The following RASGEF1A variants were observed in gnomAD, a reference collection of about 807,000 sequenced individuals.
RASGEF1A encodes the protein ras-GEF domain-containing family member 1A.
In RASGEF1A, 18 loss-of-function variants were observed where a neutral mutation model predicts 56.4. That is an observed-to-expected ratio of 0.32 (90% CI 0.22 to 0.47). RASGEF1A has a LOEUF of 0.47. Among genes scored for constraint, RASGEF1A ranks in the 20% least tolerant of loss-of-function variants. RASGEF1A has a pLI of 1.00. For synonymous variants in RASGEF1A, 245 were observed against 242.6 expected (o/e 1.01, Z -0.09); for missense variants, 422 against 627.1 (o/e 0.67, Z 3.49).
intron 1 of RASGEF1A, among the ~76,000 whole-genome samples, chr10:43,244,211 G>A (rs1046675318): frequency 4.6e-5 from 7 of 152,140 alleles, no homozygotes; most frequent in African/African-American, 7.2e-5. Flanking sequence ...AGTCATCACC[G>A]TTCCCTAATC....
intron 1 of RASGEF1A, among the ~76,000 whole-genome samples, chr10:43,256,235 G>GGGCAGGTGC (rs1840688023): frequency 6.6e-6 from 1 of 152,200 alleles, no homozygotes; most frequent in East Asian, 1.9e-4. Context: ...AGCCAGGCGG[G>GGGCAGGTGC]GGCAGGTGCG....
chr10:43,202,649 C>T (rs1345821767), intron 3 of RASGEF1A: 6 of 446,218 alleles, frequency 1.3e-5, no homozygotes, highest in African/African-American at 4.5e-5. Context: ...CCGCCCCCGG[C>T]CCCCGCACCA....
At chr10:43,227,191 TG>T (rs1313078967) in intron 1 of RASGEF1A, among the ~76,000 whole-genome samples, 1 of 152,128 alleles carries the variant, frequency 6.6e-6, no homozygotes, top group Admixed American at 6.5e-5. Flanking sequence ...CCCAAAGGTG[TG>T]GGAGATGCAG....
intron 1 of RASGEF1A, among the ~76,000 whole-genome samples, chr10:43,262,854 G>A (rs980655629): frequency 1.3e-5 from 2 of 152,212 alleles, no homozygotes; most frequent in African/African-American, 4.8e-5. Context: ...TGGTGGCCCG[G>A]CCCACAGAGG....
intron 1 of RASGEF1A, among the ~76,000 whole-genome samples, chr10:43,261,553 C>G (rs1368398654): frequency 6.6e-6 from 1 of 152,238 alleles, no homozygotes; most frequent in African/African-American, 2.4e-5. Flanking sequence ...CAGCCCCCTG[C>G]CTGCTCTGAG....
At chr10:43,238,817 C>G (rs372113658) in intron 1 of RASGEF1A, among the ~76,000 whole-genome samples, 1 of 152,168 alleles carries the variant, frequency 6.6e-6, no homozygotes, top group Non-Finnish European at 1.5e-5. Context: ...TCCCCATGAG[C>G]CAGAGAGGAT....
intron 1 of RASGEF1A, among the ~76,000 whole-genome samples, chr10:43,250,312 C>T (rs893153585): frequency 3.3e-5 from 5 of 152,216 alleles, no homozygotes; most frequent in Admixed American, 6.5e-5. Flanking sequence ...GTCATGGACA[C>T]ACCTGAGCAG....
rs773166630 is a variant in RASGEF1A, at chr10:43,196,967, A to T, written c.1348+9T>A. 22 of 1,612,730 alleles carry T rather than the reference A, an allele frequency of 1.4e-5. No individual in the cohort carries two copies. The highest frequency in any genetic ancestry group is 1.9e-5 in the Non-Finnish European group (22 of 1,179,836). On this transcript the variant is annotated intron_variant, in intron 11 of 12. Transcript: ENST00000395810. This position sits in a 1 kb window ranked among gnomAD's most constrained non-coding sequence, Gnocchi z 4.6. ...TGGGAGGCATGCTGCGTTGGGAGGC[A>T]GCCCTCACCTTCCTCGCTGTAGATG...
intron 1 of RASGEF1A, among the ~76,000 whole-genome samples, chr10:43,211,913 T>C (rs900661451): frequency 1.2e-4 from 18 of 152,080 alleles, no homozygotes; most frequent in African/African-American, 3.9e-4. Context: ...TGCAGTGAGG[T>C]TGAAGGGAGA....
At chr10:43,249,713 C>A (rs1327677200) in intron 1 of RASGEF1A, among the ~76,000 whole-genome samples, 1 of 152,206 alleles carries the variant, frequency 6.6e-6, no homozygotes, top group Non-Finnish European at 1.5e-5. Flanking sequence ...CAAGCAGGGC[C>A]AACTCTGTGT....
chr10:43,250,314 C>A (rs1482995627), intron 1 of RASGEF1A, among the ~76,000 whole-genome samples: 3 of 152,208 alleles, frequency 2.0e-5, no homozygotes, highest in Non-Finnish European at 4.4e-5. Context: ...CATGGACACA[C>A]CTGAGCAGCT....
At chr10:43,217,314 C>G (rs974863705) in intron 1 of RASGEF1A, among the ~76,000 whole-genome samples, 8 of 152,206 alleles carry the variant, frequency 5.3e-5, no homozygotes, top group African/African-American at 1.9e-4. Context: ...TCCCATTTCT[C>G]TAACACCCCT....
intron 1 of RASGEF1A, among the ~76,000 whole-genome samples, chr10:43,214,445 C>T (rs756075129): frequency 6.6e-6 from 1 of 152,208 alleles, no homozygotes; most frequent in Admixed American, 6.5e-5. Context: ...TCACCCACCC[C>T]GCCCCCCTTC....
At chr10:43,224,295 T>C (rs1840245581) in intron 1 of RASGEF1A, among the ~76,000 whole-genome samples, 1 of 152,184 alleles carries the variant, frequency 6.6e-6, no homozygotes, top group Non-Finnish European at 1.5e-5. Context: ...GTGACAAATA[T>C]GTCTCCTAGT....
intron 1 of RASGEF1A, among the ~76,000 whole-genome samples, chr10:43,226,046 G>A (rs976070649): frequency 1.3e-5 from 2 of 152,162 alleles, no homozygotes; most frequent in Non-Finnish European, 2.9e-5. Context: ...GTTATTCCCC[G>A]AGGCTGAGAC....
intron 10 of RASGEF1A, 55 bp downstream of exon 10, chr10:43,197,949 C>G: frequency 6.8e-7 from 1 of 1,477,114 alleles, no homozygotes; most frequent in Non-Finnish European, 9.3e-7. Context: ...TGCCTGGCGG[C>G]TCCAGTAGCT....
At chr10:43,250,971 G>C (rs545046219) in intron 1 of RASGEF1A, among the ~76,000 whole-genome samples, 17 of 152,336 alleles carry the variant, frequency 1.1e-4, no homozygotes, top group Admixed American at 9.8e-4. Flanking sequence ...CCAGGCAGAG[G>C]CTCCAGCAGC....
chr10:43,258,480 T>A (rs1836465452), intron 1 of RASGEF1A, among the ~76,000 whole-genome samples: 1 of 152,216 alleles, frequency 6.6e-6, no homozygotes, highest in African/African-American at 2.4e-5. Flanking sequence ...CTCAGGGCCA[T>A]CTGCCACTCT....
At chr10:43,260,971 T>C (rs745523445) in intron 1 of RASGEF1A, among the ~76,000 whole-genome samples, 6 of 152,192 alleles carry the variant, frequency 3.9e-5, no homozygotes, top group African/African-American at 1.2e-4. Flanking sequence ...GCAGCTTCTT[T>C]GACATTTGTG....
Sources: allele counts gnomAD v4.1 joint callset (sites outside exome capture counted in the v4.1 genomes callset), GRCh38; gene constraint gnomAD v4.1.1; non-coding constraint Gnocchi (gnomAD v3.1); transcripts MANE v1.5; gene names NCBI Gene and HGNC (gene_info 2026-07-23, HGNC 2026-07-21).